XPOT: variants seen among roughly 807,000 people sequenced by gnomAD.
XPOT encodes the protein exportin-T.
In XPOT, 34 loss-of-function variants were observed where a neutral mutation model predicts 128.2. That is an observed-to-expected ratio of 0.27 (90% CI 0.20 to 0.35). XPOT has a LOEUF of 0.35. XPOT is among the 10% of genes least tolerant of loss of function. XPOT has a pLI of 1.00. For synonymous variants in XPOT, 348 were observed against 394.3 expected (o/e 0.88, Z 1.39); for missense variants, 838 against 1,125.3 (o/e 0.74, Z 3.65).
chr12:64,434,104 C>T (rs1307457299), intron 19 of XPOT, among the ~76,000 whole-genome samples: 1 of 152,156 alleles, frequency 6.6e-6, no homozygotes, highest in Non-Finnish European at 1.5e-5. Flanking sequence ...CAACCTCCAC[C>T]TCCTGGGCTA....
At chr12:64,434,428 A>C in intron 19 of XPOT, 79 bp from the exon 20 acceptor site, 2 of 902,060 alleles carry the variant, frequency 2.2e-6, no homozygotes. Context: ...TGACTTGTTA[A>C]TGTATATGAA....
Position 64,448,523 on chromosome 12 carries a change from T to C in XPOT, c.*392T>C, listed in dbSNP as rs2040383241. 1 of 166,332 alleles carries C rather than the reference T, an allele frequency of 6.0e-6. No individual in the cohort carries two copies. Among genetic ancestry groups the C allele is most frequent in the Non-Finnish European group, 1.3e-5 (1 of 76,860 alleles). 10.3% of individuals were successfully genotyped at this position (166,332 alleles called of 1,614,324 possible). A position where few individuals can be genotyped will look rare whatever the true frequency, so the allele number is the denominator to read the frequency against. On this transcript the variant is annotated 3_prime_UTR_variant, in exon 25 of 25. Coordinates refer to ENST00000332707, the MANE Select transcript of XPOT (RefSeq NM_007235.6). The stretch of plus-strand genomic sequence containing the variant: ...TCTTTATGTGTGAAGACACAAAGTA[T>C]GGGGGAAGACAGCAATCAAAACTAA...
In XPOT at chr12:64,408,099, A is replaced by G. The variant is rs117411549; in HGVS notation, c.-74-1863A>G. Among the ~76,000 whole-genome samples the G allele has an allele frequency of 4.5e-3, 691 of 152,174 alleles. 5 individuals are homozygous for G. The highest frequency in any genetic ancestry group is 0.01 in the South Asian group (49 of 4,822). On this transcript the variant is annotated intron_variant, in intron 1 of 24. Coordinates refer to ENST00000332707, the MANE Select transcript of XPOT (RefSeq NM_007235.6). Reference sequence around the variant, plus strand: ...TTTGGTTAACGGTAATTGAAACAAAAAGCCCCACAGCCTTTTTTTGTTTTT... The same window carrying G: ...TTTGGTTAACGGTAATTGAAACAAAGAGCCCCACAGCCTTTTTTTGTTTTT...
At chr12:64,423,447 A>AC (rs933219130) in intron 11 of XPOT, among the ~76,000 whole-genome samples, 101 of 149,900 alleles carry the variant, frequency 6.7e-4, no homozygotes, top group African/African-American at 2.3e-3. Context: ...ATTAACAACC[A>AC]CCCCCCCTCC....
chr12:64,437,539 T>C (rs1451426042), intron 22 of XPOT, among the ~76,000 whole-genome samples: 1 of 152,182 alleles, frequency 6.6e-6, no homozygotes, highest in African/African-American at 2.4e-5. Context: ...CTTAATTCTG[T>C]TTAGCTAAAG....
intron 1 of XPOT, among the ~76,000 whole-genome samples, chr12:64,407,819 T>C (rs1282209578): frequency 1.3e-5 from 2 of 152,152 alleles, no homozygotes; most frequent in African/African-American, 4.8e-5. Context: ...AGTAGGGAGT[T>C]ACACTGCCTT....
intron 22 of XPOT, among the ~76,000 whole-genome samples, chr12:64,438,335 A>ACT (rs1363689796): frequency 3.9e-5 from 6 of 152,158 alleles, no homozygotes; most frequent in Non-Finnish European, 7.4e-5. Flanking sequence ...ACAAAACTAC[A>ACT]CTCTTTTAAA....
chr12:64,423,264 G>A lies in XPOT; in HGVS notation c.1182+20G>A. On this transcript the variant is annotated intron_variant, in intron 11 of 24. Coordinates refer to ENST00000332707, the MANE Select transcript of XPOT (RefSeq NM_007235.6). ...AATGAGGTAAGAATTTTTTTTTGTT[G>A]AGGAGAAAGGAGTTTTAATTTTATT... is the stretch of plus-strand genomic sequence containing the variant. 4 of 1,450,766 alleles carry A rather than the reference G, an allele frequency of 2.8e-6. No individual in the cohort carries two copies. Among genetic ancestry groups the A allele is most frequent in the Non-Finnish European group, 3.8e-6 (4 of 1,066,382 alleles). The allele number at this position is 1,450,766 out of a possible 1,614,324, so 89.9% of individuals were successfully genotyped here.
At chr12:64,410,651 T>G (rs2040029664) in intron 2 of XPOT, among the ~76,000 whole-genome samples, 1 of 152,176 alleles carries the variant, frequency 6.6e-6, no homozygotes, top group Non-Finnish European at 1.5e-5. Context: ...TTCTTGTTAT[T>G]TGGTCTAGGC....
At position 64,448,015 on chromosome 12, in the gene XPOT, T is replaced by C. The variant is rs940983025; in HGVS notation, c.2863-90T>C. ...AATGTTCTAATGTTACAGAAGAACA[T>C]TGCTAGCACTCAGATACTTGGAGCC... is the stretch of plus-strand genomic sequence containing the variant. On this transcript the variant is annotated intron_variant, in intron 24 of 24. Transcript: ENST00000332707. 8.7e-6 allele frequency: 10 copies of C among 1,155,028 alleles called. No homozygotes were observed. In the African/African-American group the frequency reaches 1.1e-4, roughly 12 times the overall value. 71.5% of individuals were successfully genotyped at this position (1,155,028 alleles called of 1,614,324 possible).
At chr12:64,420,630 C>T in intron 8 of XPOT, 109 bp downstream of exon 8, 1 of 840,352 alleles carries the variant, frequency 1.2e-6, no homozygotes, top group Non-Finnish European at 1.8e-6. Flanking sequence ...TTATAAACTC[C>T]CCTTGAGATT....
chr12:64,419,886 T>C (rs2040122280), intron 6 of XPOT, among the ~76,000 whole-genome samples, 184 bp from the exon 7 acceptor site: 1 of 152,172 alleles, frequency 6.6e-6, no homozygotes, highest in African/African-American at 2.4e-5. Flanking sequence ...ACTCTGACAC[T>C]GAGGAGTAGA....
At chr12:64,437,344 T>C (rs2040291203) in intron 22 of XPOT, among the ~76,000 whole-genome samples, 1 of 152,202 alleles carries the variant, frequency 6.6e-6, no homozygotes, top group African/African-American at 2.4e-5. Context: ...GAACTAAAGC[T>C]GAATGGGCAA....
intron 16 of XPOT, 39 bp downstream of exon 16, chr12:64,428,159 C>A: frequency 7.2e-7 from 1 of 1,385,314 alleles, no homozygotes; most frequent in South Asian, 1.2e-5. Flanking sequence ...ACCCAGAATT[C>A]ATTGAAGCCA....
chr12:64,445,032 A>G, intron 23 of XPOT, 43 bp from the exon 24 acceptor site: 1 of 1,541,448 alleles, frequency 6.5e-7, no homozygotes, highest in Non-Finnish European at 8.8e-7. Flanking sequence ...GATTTAATAC[A>G]AATACATTTG....
At position 64,430,045 on chromosome 12, in the gene XPOT, C is replaced by G; in HGVS notation, c.1738-4C>G. 6.4e-7 allele frequency: 1 copy of G among 1,566,146 alleles called. No individual in the cohort carries two copies. Among genetic ancestry groups the G allele is most frequent in the Non-Finnish European group, 8.6e-7 (1 of 1,160,744 alleles). On this transcript the variant is annotated splice_polypyrimidine_tract_variant and splice_region_variant and intron_variant, in intron 16 of 24. Transcript: ENST00000332707. ...AGCTTTAATAAGACTGAATTTCATT[C>G]TAGGAGAATGGCCACCAGTCCTTAC...
intron 1 of XPOT, among the ~76,000 whole-genome samples, chr12:64,409,501 CA>C (rs2040015213): frequency 6.6e-6 from 1 of 152,122 alleles, no homozygotes; most frequent in South Asian, 2.1e-4. Context: ...TTTGGGAGGC[CA>C]AGGCGGGCGG....
intron 15 of XPOT, among the ~76,000 whole-genome samples, chr12:64,426,434 G>A (rs1419505807): frequency 3.3e-5 from 5 of 151,990 alleles, no homozygotes; most frequent in South Asian, 2.1e-4. Flanking sequence ...GCAAATTAAC[G>A]CAGAAACAAA....
In XPOT at chr12:64,425,852, G is replaced by C. The variant is rs200960751; in HGVS notation, c.1610G>C (p.Ser537Thr). The change falls in exon 15 of 25, where the codon AGT becomes ACT. Residue 537 changes from serine to threonine, a missense_variant. Coordinates refer to ENST00000332707, the MANE Select transcript of XPOT (RefSeq NM_007235.6). Reference sequence around the variant, plus strand: ...GATCACAGAGGTCTGCGGCATTCCAGTGCAAAAGTTCGGAGCAGGACGGCT... The same window carrying C: ...GATCACAGAGGTCTGCGGCATTCCACTGCAAAAGTTCGGAGCAGGACGGCT... ...FLDHRGLRHS[S>T]AKVRSRTAYL... 8 of 1,614,024 alleles carry C rather than the reference G, an allele frequency of 5.0e-6. No homozygotes were observed. In the African/African-American group the frequency reaches 9.3e-5, roughly 19 times the overall value.
Sources: allele counts gnomAD v4.1 joint callset (sites outside exome capture counted in the v4.1 genomes callset), GRCh38; gene constraint gnomAD v4.1.1; transcripts MANE v1.5; gene names NCBI Gene and HGNC (gene_info 2026-07-23, HGNC 2026-07-21).